Variants in HTR1F observed in about 807,000 individuals in gnomAD.
HTR1F encodes 5-hydroxytryptamine (serotonin) receptor 1F, G protein-coupled.
HTR1F carries 17 observed loss-of-function variants against 24.0 expected under a neutral mutation model. The ratio of observed to expected loss-of-function variants is 0.71; its 90% confidence interval spans 0.48 to 1.06. The LOEUF is 1.06. HTR1F is among the 50% of genes least tolerant of loss of function. The pLI, the probability that HTR1F is intolerant of heterozygous loss-of-function variation, is 0.00. For synonymous variants in HTR1F, 186 were observed against 156.8 expected (o/e 1.19, Z -1.39); for missense variants, 391 against 427.8 (o/e 0.91, Z 0.76).
At chr3:87,883,040 A>T (rs1214570178) in intron 2 of HTR1F, among the ~76,000 whole-genome samples, 4 of 152,082 alleles carry the variant, frequency 2.6e-5, no homozygotes, top group African/African-American at 4.8e-5. Flanking sequence ...TGGGAGACAC[A>T]TCCCAGTAGG....
intron 2 of HTR1F, among the ~76,000 whole-genome samples, chr3:87,917,951 C>T (rs968240254): frequency 5.9e-5 from 9 of 151,938 alleles, no homozygotes; most frequent in African/African-American, 9.7e-5. Flanking sequence ...CCCTGATGAA[C>T]GTAGATGCTA....
rs556998042 is a variant in HTR1F at position 87,912,036 on chromosome 3, A to T, written c.-42-78672A>T. The stretch of plus-strand genomic sequence containing the variant: ...AAGAATGTCCTCTATCACCACTCCT[A>T]TTCAACATAGTATTGTAAGTCCTGG... On this transcript the variant is annotated intron_variant, in intron 2 of 2. Transcript: ENST00000319595. Among the ~76,000 whole-genome samples the T allele has an allele frequency of 3.3e-5, 5 of 152,224 alleles. No individual in the cohort carries two copies. The South Asian group carries it at 1.0e-3, about 32-fold the overall frequency.
At chr3:87,839,956 C>G (rs1704765011) in intron 2 of HTR1F, among the ~76,000 whole-genome samples, 1 of 152,122 alleles carries the variant, frequency 6.6e-6, no homozygotes, top group African/African-American at 2.4e-5. Flanking sequence ...TCCATGGCTG[C>G]ATGGTATTCC....
At chr3:87,953,751 G>C (rs1053778174) in intron 2 of HTR1F, among the ~76,000 whole-genome samples, 3 of 151,644 alleles carry the variant, frequency 2.0e-5, no homozygotes, top group Non-Finnish European at 4.4e-5. Flanking sequence ...TTAATGCAAC[G>C]CTATTCACAA....
At chr3:87,975,357 C>A (rs1705372333) in intron 2 of HTR1F, among the ~76,000 whole-genome samples, 1 of 151,996 alleles carries the variant, frequency 6.6e-6, no homozygotes, top group Admixed American at 6.5e-5. Flanking sequence ...CTAAAAAAAT[C>A]TTGGAGAATT....
intron 2 of HTR1F, among the ~76,000 whole-genome samples, chr3:87,893,670 C>T (rs546083684): frequency 4.6e-5 from 7 of 152,344 alleles, no homozygotes; most frequent in Middle Eastern, 6.8e-3. Context: ...ATGCCAATGG[C>T]TCTTGACAGC....
At chr3:87,910,350 A>G (rs1357818529) in intron 2 of HTR1F, 1 of 151,938 alleles carries the variant, frequency 6.6e-6, no homozygotes, top group Admixed American at 6.6e-5. Flanking sequence ...TTTTTTTCAG[A>G]CTTGAAACCA....
intron 2 of HTR1F, among the ~76,000 whole-genome samples, chr3:87,847,915 A>G (rs911585266): frequency 3.3e-5 from 5 of 151,858 alleles, no homozygotes; most frequent in Non-Finnish European, 7.4e-5. Flanking sequence ...CATATATACC[A>G]CATTTTAAAT....
chr3:87,976,074 C>T (rs968341766), intron 2 of HTR1F, among the ~76,000 whole-genome samples: 1 of 151,986 alleles, frequency 6.6e-6, no homozygotes, highest in Non-Finnish European at 1.5e-5. Flanking sequence ...CTTATTAAGC[C>T]TACCTGATGT....
chr3:87,919,170 C>G (rs1209819355), intron 2 of HTR1F, among the ~76,000 whole-genome samples: 3 of 152,024 alleles, frequency 2.0e-5, no homozygotes, highest in Non-Finnish European at 2.9e-5. Flanking sequence ...TGGCTAGCCA[C>G]ATGTAGGAGA....
chr3:87,799,926 ATCAGAGAG>A (rs1159585617), intron 1 of HTR1F, among the ~76,000 whole-genome samples: 1 of 152,200 alleles, frequency 6.6e-6, no homozygotes, highest in Non-Finnish European at 1.5e-5. Flanking sequence ...TCCATATTCT[ATCAGAGAG>A]ACTCTCCAAA....
At chr3:87,851,913 A>C (rs1391896477) in intron 2 of HTR1F, among the ~76,000 whole-genome samples, 1 of 151,410 alleles carries the variant, frequency 6.6e-6, no homozygotes, top group East Asian at 1.9e-4. Flanking sequence ...GGTTAAATGA[A>C]AATAACAGTT....
chr3:87,986,538 C>CT lies in HTR1F; in HGVS notation c.-42-4168dup, dbSNP rs142433005. On this transcript the variant is annotated intron_variant, in intron 2 of 2. Coordinates refer to ENST00000319595, the MANE Select transcript of HTR1F (RefSeq NM_001322209.2). Reference sequence around the variant, plus strand: ...TTAATTTAAATGCTACAACTTGATGCTTAGGGAAATCCATTGAATTATCAA... The same window carrying CT: ...TTAATTTAAATGCTACAACTTGATGCTTTAGGGAAATCCATTGAATTATCAA... Among the ~76,000 whole-genome samples, 570 of 152,260 alleles carry CT rather than the reference C, an allele frequency of 3.7e-3. 4 individuals are homozygous for CT. Among genetic ancestry groups the CT allele is most frequent in the African/African-American group, 0.013 (549 of 41,568 alleles).
chr3:87,829,397 G>C (rs532747918), intron 2 of HTR1F, among the ~76,000 whole-genome samples: 3 of 152,170 alleles, frequency 2.0e-5, no homozygotes, highest in Non-Finnish European at 4.4e-5. Context: ...AAGCATATGC[G>C]ATATGCACAA....
At chr3:87,913,925 G>A (rs560246218) in intron 2 of HTR1F, among the ~76,000 whole-genome samples, 6 of 152,162 alleles carry the variant, frequency 3.9e-5, no homozygotes, top group South Asian at 2.1e-4. Context: ...GTGGAGGCTC[G>A]CATCATGAAT....
chr3:87,959,974 G>A (rs1705026310), intron 2 of HTR1F, among the ~76,000 whole-genome samples: 1 of 151,932 alleles, frequency 6.6e-6, no homozygotes, highest in Admixed American at 6.6e-5. Context: ...AGTTGGGCTT[G>A]TTGAATAAAT....
intron 2 of HTR1F, among the ~76,000 whole-genome samples, chr3:87,976,223 C>G (rs1705392385): frequency 6.6e-6 from 1 of 152,116 alleles, no homozygotes; most frequent in African/African-American, 2.4e-5. Context: ...ACATTATGAT[C>G]AGGTGAAATA....
At chr3:87,914,820 A>G (rs1174346167) in intron 2 of HTR1F, among the ~76,000 whole-genome samples, 1 of 151,648 alleles carries the variant, frequency 6.6e-6, no homozygotes, top group African/African-American at 2.4e-5. Context: ...ACCCACCACT[A>G]TTTCCTCCCC....
chr3:87,981,850 G>C (rs1705550483), intron 2 of HTR1F, among the ~76,000 whole-genome samples: 1 of 152,156 alleles, frequency 6.6e-6, no homozygotes, highest in Admixed American at 6.5e-5. Flanking sequence ...CTAACAAGCA[G>C]ATGTCTCTTG....
Sources: allele counts gnomAD v4.1 joint callset (sites outside exome capture counted in the v4.1 genomes callset), GRCh38; gene constraint gnomAD v4.1.1; transcripts MANE v1.5; gene names NCBI Gene and HGNC (gene_info 2026-07-23, HGNC 2026-07-21).